XRCC6: variants seen among roughly 807,000 people sequenced by gnomAD.
XRCC6 encodes DNA repair protein Ku70.
Under a neutral mutation model 65.7 loss-of-function variants are expected in XRCC6, and 5 were observed. That is an observed-to-expected ratio of 0.08 (90% confidence interval 0.04 to 0.16). The LOEUF is 0.16. Ranked by LOEUF, XRCC6 falls within the 10% of genes least tolerant of loss-of-function variation. The probability of loss-of-function intolerance (pLI) is 1.00; values close to 1 mark genes in which losing one functional copy is unlikely to be tolerated. For synonymous variants in XRCC6, 270 were observed against 270.6 expected, an observed-to-expected ratio of 1.00 and a Z score of 0.02; for missense variants, 447 against 738.1, an observed-to-expected ratio of 0.61 and a Z score of 4.57.
intron 7 of XRCC6, among the ~76,000 whole-genome samples, chr22:41,649,781 G>T (rs189941715): frequency 1.3e-5 from 2 of 151,796 alleles, no homozygotes; most frequent in East Asian, 1.9e-4. Context: ...CGTGAACCCC[G>T]GTGGGTGGAG....
intron 6 of XRCC6, among the ~76,000 whole-genome samples, chr22:41,638,504 G>C (rs987910583): frequency 1.3e-5 from 2 of 152,090 alleles, no homozygotes. Context: ...TATGATATAG[G>C]CCAGACACGG....
intron 9 of XRCC6, among the ~76,000 whole-genome samples, chr22:41,655,634 G>A (rs994729113): frequency 3.3e-5 from 5 of 151,814 alleles, no homozygotes; most frequent in African/African-American, 1.2e-4. Flanking sequence ...CCCGGGAGGT[G>A]GAGTTAGTGA....
chr22:41,645,240 G>A (rs971043867), intron 6 of XRCC6, among the ~76,000 whole-genome samples: 2 of 151,568 alleles, frequency 1.3e-5, no homozygotes, highest in African/African-American at 4.8e-5. Context: ...GGTGGAGGTT[G>A]CAGTGTGGAG....
chr22:41,640,781 G>A (rs1440807562), intron 6 of XRCC6, among the ~76,000 whole-genome samples: 1 of 152,160 alleles, frequency 6.6e-6, no homozygotes, highest in Non-Finnish European at 1.5e-5. Flanking sequence ...ATGCGATGTT[G>A]TTTATACTAC....
intron 2 of XRCC6, among the ~76,000 whole-genome samples, chr22:41,625,976 T>G (rs2067665541): frequency 6.6e-6 from 1 of 152,028 alleles, no homozygotes; most frequent in South Asian, 2.1e-4. Flanking sequence ...GTAGCTGGAA[T>G]TATAGGCATG....
chr22:41,643,941 C>T (rs1332430701), intron 6 of XRCC6, among the ~76,000 whole-genome samples: 1 of 147,258 alleles, frequency 6.8e-6, no homozygotes, highest in Non-Finnish European at 1.5e-5. Context: ...GCTGAGATTG[C>T]GCCACTGCAC....
At chr22:41,660,505 C>A (rs972621331) in intron 11 of XRCC6, among the ~76,000 whole-genome samples, 1 of 152,158 alleles carries the variant, frequency 6.6e-6, no homozygotes, top group African/African-American at 2.4e-5. Context: ...TTTCAGTTCA[C>A]CCTCCATGCA....
chr22:41,627,365 C>G (rs1303023753), intron 2 of XRCC6, among the ~76,000 whole-genome samples: 1 of 151,998 alleles, frequency 6.6e-6, no homozygotes, highest in Admixed American at 6.6e-5. Context: ...AATCCTAGCA[C>G]TTTGGGAGTC....
In XRCC6 at chr22:41,663,005, C is replaced by T. The variant is rs138272858; in HGVS notation, c.1637-617C>T. 7.2e-3 allele frequency among the ~76,000 whole-genome samples: 1,092 copies of T among 152,104 alleles called. 10 individuals carry two copies. The highest frequency in any genetic ancestry group is 0.025 in the African/African-American group (1,017 of 41,478). Reference sequence around the variant, plus strand: ...CTGAGGTAGGAGAATCCCTTGAACCCGGGAGGCAGAGGTTGCAGTGAGCCG... The same window carrying T: ...CTGAGGTAGGAGAATCCCTTGAACCTGGGAGGCAGAGGTTGCAGTGAGCCG... On this transcript the variant is annotated intron_variant, in intron 12 of 12. Coordinates refer to ENST00000360079, the MANE Select transcript of XRCC6 (RefSeq NM_001469.5).
chr22:41,660,261 A>T (rs2068087312), intron 11 of XRCC6, among the ~76,000 whole-genome samples: 2 of 152,184 alleles, frequency 1.3e-5, no homozygotes, highest in African/African-American at 4.8e-5. Context: ...AAAAAAGGAA[A>T]CAAAAGTATG....
rs372598614 is a variant in XRCC6, at chr22:41,638,501, T to C, written c.773+710T>C. Among the ~76,000 whole-genome samples, 185 of 152,200 alleles carry C rather than the reference T, an allele frequency of 1.2e-3. 1 individual carries two copies. Among genetic ancestry groups the C allele is most frequent in the African/African-American group, 4.2e-3 (175 of 41,522 alleles). On this transcript the variant is annotated intron_variant, in intron 6 of 12. Transcript: ENST00000360079. ...GAAAAGGTACAATAAAAATATGATATAGGCCAGACACGGTGGCTCACGCCT... is the reference window on the plus strand; with the variant it reads ...GAAAAGGTACAATAAAAATATGATACAGGCCAGACACGGTGGCTCACGCCT...
chr22:41,656,775 TC>T, intron 9 of XRCC6, 127 bp from the exon 10 acceptor site: 1 of 1,211,260 alleles, frequency 8.3e-7, no homozygotes, highest in Non-Finnish European at 1.1e-6. Flanking sequence ...CTGGTGGAGT[TC>T]AAGAAATGGG....
At chr22:41,658,384 TG>T in intron 11 of XRCC6, 32 bp downstream of exon 11, 1 of 1,598,766 alleles carries the variant, frequency 6.3e-7, no homozygotes. Context: ...GTTCTTTTCA[TG>T]GGAGGCTTTC....
intron 2 of XRCC6, among the ~76,000 whole-genome samples, chr22:41,624,702 A>G (rs1338704614): frequency 2.1e-4 from 31 of 145,942 alleles, no homozygotes; most frequent in Admixed American, 2.1e-3. Flanking sequence ...AAATAATAAT[A>G]AAATAAAAAA....
At chr22:41,651,429 T>G (rs1601551387) in intron 8 of XRCC6, among the ~76,000 whole-genome samples, 1 of 113,512 alleles carries the variant, frequency 8.8e-6, no homozygotes, top group Admixed American at 1.2e-4. Flanking sequence ...TTTACTCTTG[T>G]CACCCAGGCT....
intron 2 of XRCC6, among the ~76,000 whole-genome samples, chr22:41,623,835 C>G (rs946390578): frequency 6.6e-6 from 1 of 152,312 alleles, no homozygotes. Flanking sequence ...ATTCTCCCAT[C>G]TCAGCCTCCC....
intron 5 of XRCC6, 52 bp downstream of exon 5, chr22:41,636,822 A>T (rs772256327): frequency 6.4e-7 from 1 of 1,566,930 alleles, no homozygotes; most frequent in Admixed American, 1.9e-5. Context: ...TTGTTTTTTT[A>T]TTTTTTATTT....
chr22:41,631,260 G>A (rs955062108), intron 3 of XRCC6, among the ~76,000 whole-genome samples: 1 of 150,332 alleles, frequency 6.7e-6, no homozygotes, highest in Admixed American at 6.6e-5. Flanking sequence ...GGCTGGCCTG[G>A]CTGGGGCTGA....
chr22:41,645,698 CTTTTT>C (rs909409152), intron 6 of XRCC6, among the ~76,000 whole-genome samples: 1 of 135,082 alleles, frequency 7.4e-6, no homozygotes, highest in Admixed American at 7.4e-5. Flanking sequence ...ATTCTTTCTT[CTTTTT>C]TTTTTTTTTT....
Sources: gnomAD v4.1 joint callset for allele counts (sites outside exome capture counted in the v4.1 genomes callset) on GRCh38, gnomAD v4.1.1 for gene constraint, MANE v1.5 for transcripts, NCBI Gene and HGNC (gene_info 2026-07-23, HGNC 2026-07-21) for gene names.